Variants in RRBP1 observed in about 807,000 individuals in gnomAD.
The protein encoded by RRBP1 is ribosome binding protein 1, also known as ribosome-binding protein 1.
RRBP1 carries 94 observed loss-of-function variants against 165.2 expected under a neutral mutation model. That is an observed-to-expected ratio of 0.57 (90% CI 0.48 to 0.68). RRBP1 has a LOEUF of 0.68. RRBP1 is among the 30% of genes least tolerant of loss of function. The probability of loss-of-function intolerance (pLI) is 0.00; values close to 1 mark genes in which losing one functional copy is unlikely to be tolerated. For synonymous variants in RRBP1, 680 were observed against 714.5 expected (o/e 0.95, Z 0.77); for missense variants, 1,676 against 1,763.0 (o/e 0.95, Z 0.88).
At chr20:17,672,888 G>A (rs766688926) in intron 2 of RRBP1, among the ~76,000 whole-genome samples, 10 of 152,252 alleles carry the variant, frequency 6.6e-5, no homozygotes, top group Non-Finnish European at 8.8e-5. Context: ...AGCATATGCC[G>A]TTTGAGTCCA....
chr20:17,614,738 G>T lies in RRBP1; in HGVS notation c.4193C>A (p.Ala1398Glu). Residue 1398 changes from alanine (A) to glutamate (E), a missense_variant and splice_region_variant, in exon 24 of 25, where the codon GCA becomes GAA. This residue lies in a region of RRBP1 where 1,184 missense variants were observed against 1,167.1 expected (regional missense o/e 1.01). Transcript: ENST00000377813. ...CCTGCTTTGGCGCCAGGCACGCACT[G>T]CCTTTTCCAGCTGTTCCTGCAGCTT... is the stretch of plus-strand genomic sequence containing the variant. Reference protein sequence around the residue: ...VKKLQEQLEKAEDGSSSKEGT... With the variant: ...VKKLQEQLEKEEDGSSSKEGT... The T allele has an allele frequency of 6.2e-7, 1 of 1,611,752 alleles. No homozygotes were observed.
intron 7 of RRBP1, among the ~76,000 whole-genome samples, chr20:17,634,865 T>A (rs909596819): frequency 6.6e-6 from 1 of 152,126 alleles, no homozygotes; most frequent in Non-Finnish European, 1.5e-5. Flanking sequence ...TCAAAACAGA[T>A]ACTTGGCCCA....
chr20:17,619,288 T>C (rs1308387353), intron 19 of RRBP1: 2 of 236,422 alleles, frequency 8.5e-6, no homozygotes, highest in Non-Finnish European at 1.6e-5. Flanking sequence ...GCAGAAAAAG[T>C]GTCAGATCTA....
At chr20:17,615,313 C>T (rs2035776688) in intron 23 of RRBP1, 118 bp downstream of exon 23, 2 of 773,998 alleles carry the variant, frequency 2.6e-6, no homozygotes. Context: ...GAACCAGTGC[C>T]AAGGGCAGGT....
rs751657623 is a variant in RRBP1 at position 17,636,555 on chromosome 20, C to A, written c.2337+22G>T. ...GACTGGGTCCTGTCCCTTCCCATGCCCCCGCCAGCCACTACACCCACCTTG... is the reference window on the plus strand; with the variant it reads ...GACTGGGTCCTGTCCCTTCCCATGCACCCGCCAGCCACTACACCCACCTTG... On this transcript the variant is annotated intron_variant, in intron 6 of 24. Coordinates refer to ENST00000377813, the MANE Select transcript of RRBP1 (RefSeq NM_001365613.2). 6 of 1,607,188 alleles carry A rather than the reference C, an allele frequency of 3.7e-6. No individual in the cohort carries two copies. The South Asian group carries it at 6.6e-5, about 18-fold the overall frequency.
intron 3 of RRBP1, among the ~76,000 whole-genome samples, chr20:17,656,450 T>C (rs1181725100): frequency 2.6e-5 from 4 of 152,302 alleles, no homozygotes; most frequent in Admixed American, 1.3e-4. Flanking sequence ...AAACCTTAAA[T>C]TTTTATAGAG....
chr20:17,647,491 T>A (rs1420795984), intron 3 of RRBP1, among the ~76,000 whole-genome samples: 1 of 152,182 alleles, frequency 6.6e-6, no homozygotes, highest in Non-Finnish European at 1.5e-5. Context: ...AAGGAGCGTT[T>A]GAATTTGAGA....
chr20:17,618,691 AAC>A lies in RRBP1; in HGVS notation c.3676-14_3676-13del, dbSNP rs1412708754. ...AGAAGTTGCCTCAGCTTGGGGAGAA[AAC>A]AGAGGCGGGTGATGGGAAAAAAGGA... On this transcript the variant is annotated splice_polypyrimidine_tract_variant and intron_variant, in intron 19 of 24. Transcript: ENST00000377813. 2 of 1,607,072 alleles carry A rather than the reference AAC, an allele frequency of 1.2e-6. No homozygotes were observed. The highest frequency in any genetic ancestry group is 1.3e-5 in the African/African-American group (1 of 74,790).
intron 2 of RRBP1, among the ~76,000 whole-genome samples, chr20:17,677,675 A>G (rs867421147): frequency 3.3e-4 from 50 of 152,286 alleles, no homozygotes; most frequent in Middle Eastern, 3.4e-3. Context: ...CCCCGTCTCT[A>G]CTAAAAATAC....
intron 3 of RRBP1, among the ~76,000 whole-genome samples, chr20:17,649,522 G>A (rs1568775294): frequency 6.7e-6 from 1 of 148,312 alleles, no homozygotes; most frequent in Non-Finnish European, 1.5e-5. Flanking sequence ...AGTGGCGTCA[G>A]ACCTGCTGTG....
At chr20:17,636,785 T>C in intron 5 of RRBP1, 56 bp from the exon 6 acceptor site, 1 of 1,602,670 alleles carries the variant, frequency 6.2e-7, no homozygotes, top group Non-Finnish European at 8.5e-7. Context: ...CAGGAGCCTA[T>C]CAGAAGGGAG....
chr20:17,652,266 C>T (rs765613009), intron 3 of RRBP1, among the ~76,000 whole-genome samples: 9 of 152,224 alleles, frequency 5.9e-5, no homozygotes, highest in Non-Finnish European at 1.2e-4. Flanking sequence ...CCACTAGCCA[C>T]ATGTGACTAG....
chr20:17,671,907 T>C (rs2036986826), intron 2 of RRBP1, among the ~76,000 whole-genome samples: 1 of 152,218 alleles, frequency 6.6e-6, no homozygotes, highest in Admixed American at 6.5e-5. Context: ...ACCCAGCCTA[T>C]TCTATCACCA....
rs563380517 is a variant in RRBP1 at position 17,632,542 on chromosome 20, C to T, written c.2610+918G>A. 2.0e-5 allele frequency among the ~76,000 whole-genome samples: 3 copies of T among 152,332 alleles called. No homozygotes were observed. The East Asian group carries it at 5.8e-4, about 29-fold the overall frequency. ...TGTCCATGTTCTCTTTTAGTCCTTG[C>T]ACACGCTCAAACATCACTCTTAAAA... is the stretch of plus-strand genomic sequence containing the variant. On this transcript the variant is annotated intron_variant, in intron 8 of 24. Transcript: ENST00000377813.
intron 2 of RRBP1, among the ~76,000 whole-genome samples, chr20:17,666,266 G>T (rs966585077): frequency 6.6e-6 from 1 of 152,080 alleles, no homozygotes; most frequent in East Asian, 1.9e-4. Flanking sequence ...AAGCTACTTG[G>T]GGGGCTGAGG....
At position 17,650,162 on chromosome 20, in the gene RRBP1, T is replaced by TA. The variant is rs78270297; in HGVS notation, c.1913-7036dup. Among the ~76,000 whole-genome samples the TA allele has an allele frequency of 3.0e-3, 430 of 141,288 alleles. 2 individuals are homozygous for TA. Among genetic ancestry groups the TA allele is most frequent in the Middle Eastern group, 3.6e-3 (1 of 274 alleles). The allele number at this position is 141,288 out of a possible 152,430, so 92.7% of individuals were successfully genotyped here. ...ACATAATGGAGTTGTTTCTTCTCCA[T>TA]AAAAAAAAAAAAGTTATAGAAAAAC... On this transcript the variant is annotated intron_variant, in intron 3 of 24. Coordinates refer to ENST00000377813, the MANE Select transcript of RRBP1 (RefSeq NM_001365613.2).
At chr20:17,649,119 A>G (rs2036513487) in intron 3 of RRBP1, among the ~76,000 whole-genome samples, 1 of 152,254 alleles carries the variant, frequency 6.6e-6, no homozygotes, top group Non-Finnish European at 1.5e-5. Flanking sequence ...GAAAAGAAAA[A>G]GTTGGGTTTG....
chr20:17,636,840 C>T, intron 5 of RRBP1, 111 bp from the exon 6 acceptor site: 2 of 1,344,838 alleles, frequency 1.5e-6, no homozygotes, highest in South Asian at 1.3e-5. Context: ...AGAGCACAGA[C>T]CCCTCCTGCT....
At position 17,653,281 on chromosome 20, in the gene RRBP1, A is replaced by G. The variant is rs554286402; in HGVS notation, c.1912+5315T>C. ...GGTGCACACTTCACTGAGCCCACCC[A>G]GGGCCTCTGTCCTTTACAGTCAGAG... On this transcript the variant is annotated intron_variant, in intron 3 of 24. Coordinates refer to ENST00000377813, the MANE Select transcript of RRBP1 (RefSeq NM_001365613.2). Among the ~76,000 whole-genome samples, 409 of 152,374 alleles carry G rather than the reference A, an allele frequency of 2.7e-3. 1 individual carries two copies. The highest frequency in any genetic ancestry group is 4.6e-3 in the Non-Finnish European group (312 of 68,032).
Sources: gnomAD v4.1 joint callset for allele counts (sites outside exome capture counted in the v4.1 genomes callset) on GRCh38, gnomAD v4.1.1 for gene constraint, gnomAD v4.1.1 regional missense constraint, MANE v1.5 for transcripts, NCBI Gene and HGNC (gene_info 2026-07-23, HGNC 2026-07-21) for gene names.